The following LRRD1 variants were observed in gnomAD, a reference collection of about 807,000 sequenced individuals.
The protein encoded by LRRD1 is leucine rich repeats and death domain containing 1, also known as leucine-rich repeat and death domain-containing protein 1.
A neutral mutation model predicts 69.5 loss-of-function variants in LRRD1; 49 were observed. The observed-to-expected ratio is 0.70, with a 90% CI of 0.56 to 0.89. The LOEUF is 0.89. Among genes scored for constraint, LRRD1 ranks in the 40% least tolerant of loss-of-function variants. LRRD1 has a pLI of 0.00. For missense variants in LRRD1, 853 were observed against 956.0 expected, an observed-to-expected ratio of 0.89 and a Z score of 1.42; for synonymous variants, 303 against 338.9, an observed-to-expected ratio of 0.89 and a Z score of 1.16.
At chr7:92,151,821 C>T (rs1441344302) in intron 3 of LRRD1, among the ~76,000 whole-genome samples, 1 of 151,826 alleles carries the variant, frequency 6.6e-6, no homozygotes, top group Non-Finnish European at 1.5e-5. Flanking sequence ...TGGTGGTGGG[C>T]ACCTGTAATC....
intron 1 of LRRD1, among the ~76,000 whole-genome samples, chr7:92,166,120 T>A (rs955641045): frequency 2.9e-4 from 44 of 152,212 alleles, no homozygotes; most frequent in African/African-American, 9.9e-4. Context: ...GACTTCTGAG[T>A]GACTCCTGTG....
At chr7:92,169,517 G>C (rs557877582) in intron 1 of LRRD1, among the ~76,000 whole-genome samples, 1 of 152,024 alleles carries the variant, frequency 6.6e-6, no homozygotes, top group African/African-American at 2.4e-5. Flanking sequence ...CGGGCGTGGT[G>C]GTGGGTGCCT....
chr7:92,166,222 A>C (rs931929133), intron 1 of LRRD1, among the ~76,000 whole-genome samples: 2 of 152,216 alleles, frequency 1.3e-5, no homozygotes, highest in African/African-American at 4.8e-5. Context: ...CTAATGACCC[A>C]GTATTTTCCC....
At chr7:92,142,786 G>C (rs966753328), downstream of LRRD1, 4 of 445,142 alleles carry the variant, frequency 9.0e-6, no homozygotes, top group African/African-American at 8.1e-5. Flanking sequence ...CCTTTCTCCC[G>C]GTGGGTTCCT....
At chr7:92,159,968 A>G (rs1788762954) in intron 2 of LRRD1, among the ~76,000 whole-genome samples, 1 of 152,082 alleles carries the variant, frequency 6.6e-6, no homozygotes, top group Middle Eastern at 3.2e-3. Context: ...AGATTTTCTA[A>G]ATGACATGAT....
At chr7:92,166,709 T>C (rs879356667) in intron 1 of LRRD1, among the ~76,000 whole-genome samples, 2 of 152,210 alleles carry the variant, frequency 1.3e-5, no homozygotes, top group African/African-American at 2.4e-5. Context: ...GCAATAGATG[T>C]AGAAGTACTT....
intron 3 of LRRD1, among the ~76,000 whole-genome samples, chr7:92,154,543 C>G (rs1027427205): frequency 3.9e-5 from 6 of 152,066 alleles, no homozygotes; most frequent in Admixed American, 3.3e-4. Flanking sequence ...TGACACCCAG[C>G]CTTTTAATAT....
chr7:92,144,774 G>A (rs575070796), downstream of LRRD1: 486 of 555,956 alleles, frequency 8.7e-4, 3 homozygotes, highest in African/African-American at 8.2e-3. Context: ...TCTTAAGAAT[G>A]AAAGAAAAAA....
chr7:92,176,010 A>G (rs58573876), intron 1 of LRRD1, among the ~76,000 whole-genome samples: 5,230 of 152,300 alleles, frequency 0.034, 262 homozygotes, highest in African/African-American at 0.11. Context: ...ATAAATCTGG[A>G]TATCTGGTAG....
chr7:92,164,028 G>A lies in LRRD1; in HGVS notation c.1175C>T (p.Ser392Phe), dbSNP rs1356197882. 6.5e-7 allele frequency: 1 copy of A among 1,540,126 alleles called. No individual in the cohort carries two copies. Among genetic ancestry groups the A allele is most frequent in the Non-Finnish European group, 8.8e-7 (1 of 1,142,712 alleles). ...NLLKNIPEKI[S>F]CCAMLECLSL... Reference sequence around the variant, plus strand: ...AAGGCATTCCAACATTGCACAGCAAGATATTTTCTCTGGTATATTTTTCAA... The same window carrying A: ...AAGGCATTCCAACATTGCACAGCAAAATATTTTCTCTGGTATATTTTTCAA... Residue 392 changes from serine (S) to phenylalanine (F), a missense_variant, in exon 2 of 6, where the codon TCT becomes TTT. Physicochemically the swap from Ser to Phe is radical, Grantham distance 155 (BLOSUM62 -2). Transcript: ENST00000458448.
chr7:92,163,639 G>T lies in LRRD1; in HGVS notation c.1564C>A (p.Leu522Ile). 1 of 1,510,504 alleles carries T rather than the reference G, an allele frequency of 6.6e-7. No homozygotes were observed. Among genetic ancestry groups the T allele is most frequent in the South Asian group, 1.3e-5 (1 of 77,386 alleles). The allele number at this position is 1,510,504 out of a possible 1,614,324, so 93.6% of individuals were successfully genotyped here. A position where few individuals can be genotyped will look rare whatever the true frequency, so the allele number is the denominator to read the frequency against. The change falls in exon 2 of 6, where the codon CTC becomes ATC. Residue 522 changes from leucine to isoleucine, a missense_variant. Physicochemically the swap from Leu to Ile is conservative, Grantham distance 5. Around this residue, in one of 3 missense-constraint regions of LRRD1, gnomAD observed 739 missense variants for 808.0 expected, o/e 0.91. Coordinates refer to ENST00000458448, the MANE Select transcript of LRRD1 (RefSeq NM_001161528.2). ...LLHLELSENK[L>I]LIFSEHFCSL... ...CAAAAGTGCTCAGAAAATATGAGGA[G>T]TTTGTTTTCACTCAATTCTAAATGA...
chr7:92,158,952 G>T, intron 3 of LRRD1, 53 bp downstream of exon 3: 3 of 1,427,358 alleles, frequency 2.1e-6, no homozygotes, highest in South Asian at 1.4e-5. Context: ...TTGCAACTCA[G>T]ACATTAATAC....
chr7:92,176,155 A>G (rs1177351169), intron 1 of LRRD1, among the ~76,000 whole-genome samples: 1 of 152,218 alleles, frequency 6.6e-6, no homozygotes, highest in Non-Finnish European at 1.5e-5. Flanking sequence ...TTAGAATTAA[A>G]TTAAATTTGT....
intron 2 of LRRD1, among the ~76,000 whole-genome samples, chr7:92,159,962 T>G (rs1788762703): frequency 6.6e-6 from 1 of 152,134 alleles, no homozygotes; most frequent in Non-Finnish European, 1.5e-5. Flanking sequence ...TTTTTTAGAT[T>G]TTCTAAATGA....
chr7:92,142,525 G>A (rs1356254317), downstream of LRRD1: 2 of 456,552 alleles, frequency 4.4e-6, no homozygotes, highest in Non-Finnish European at 8.8e-6. Flanking sequence ...ACTGTTAATG[G>A]CCTGGCTTAA....
Position 92,146,334 on chromosome 7 carries a change from C to G in LRRD1, c.2279-134G>C, listed in dbSNP as rs1356348485. 4 of 546,850 alleles carry G rather than the reference C, an allele frequency of 7.3e-6. No individual in the cohort carries two copies. In the African/African-American group the frequency reaches 7.7e-5, roughly 10 times the overall value. 33.9% of individuals were successfully genotyped at this position (546,850 alleles called of 1,614,324 possible). On this transcript the variant is annotated intron_variant, in intron 4 of 5. Coordinates refer to ENST00000458448, the MANE Select transcript of LRRD1 (RefSeq NM_001161528.2). ...TTAAGTAAAACTGAAAATGACAATGCTGGCCGGGCACAGTGGCTCACGCCT... is the reference window on the plus strand; with the variant it reads ...TTAAGTAAAACTGAAAATGACAATGGTGGCCGGGCACAGTGGCTCACGCCT...
chr7:92,163,992 T>C lies in LRRD1; in HGVS notation c.1211A>G (p.Asp404Gly), dbSNP rs929398147. ...CAMLECLSLS[D>G]NKLTELPKYI... ...CTTAGGGAGTTCTGTTAATTTATTA[T>C]CACTAAGACTAAGGCATTCCAACAT... Residue 404 changes from aspartate (D) to glycine (G), a missense_variant, in exon 2 of 6, where the codon GAT becomes GGT. Physicochemically the swap from Asp to Gly is moderately conservative, Grantham distance 94 (BLOSUM62 -1). Coordinates refer to ENST00000458448, the MANE Select transcript of LRRD1 (RefSeq NM_001161528.2). The C allele has an allele frequency of 1.6e-5, 24 of 1,529,026 alleles. No homozygotes were observed. Among genetic ancestry groups the C allele is most frequent in the African/African-American group, 4.2e-5 (3 of 71,452 alleles). 94.7% of individuals were successfully genotyped at this position (1,529,026 alleles called of 1,614,324 possible). A position where few individuals can be genotyped will look rare whatever the true frequency, so the allele number is the denominator to read the frequency against.
At chr7:92,142,884 G>A (rs1820196718), downstream of LRRD1, 3 of 351,864 alleles carry the variant, frequency 8.5e-6, no homozygotes, top group Non-Finnish European at 1.7e-5. Context: ...AGAGAGAGCA[G>A]CAGCAAGATT....
At chr7:92,170,710 T>A (rs968196204) in intron 1 of LRRD1, among the ~76,000 whole-genome samples, 8 of 152,216 alleles carry the variant, frequency 5.3e-5, no homozygotes, top group Non-Finnish European at 8.8e-5. Flanking sequence ...TAATTGACAT[T>A]TACAGAACAC....
Sources: allele counts gnomAD v4.1 joint callset (sites outside exome capture counted in the v4.1 genomes callset), GRCh38; gene constraint gnomAD v4.1.1; regional missense constraint gnomAD v4.1.1; transcripts MANE v1.5; gene names NCBI Gene and HGNC (gene_info 2026-07-23, HGNC 2026-07-21).